SCIN: variants seen among roughly 807,000 people sequenced by gnomAD.
SCIN encodes the protein adseverin.
SCIN carries 91 observed loss-of-function variants against 91.8 expected under a neutral mutation model. That is an observed-to-expected ratio of 0.99 (90% CI 0.84 to 1.18). The LOEUF is 1.18. Among genes scored for constraint, SCIN ranks in the 50% most tolerant of loss-of-function variants. The probability of loss-of-function intolerance (pLI) is 0.00; values close to 1 mark genes in which losing one functional copy is unlikely to be tolerated. For synonymous variants in SCIN, 367 were observed against 312.6 expected, an observed-to-expected ratio of 1.17 and a Z score of -1.84; for missense variants, 1,087 against 863.9, an observed-to-expected ratio of 1.26 and a Z score of -3.24.
At chr7:12,636,555 TTAA>T (rs1783756685) in intron 10 of SCIN, among the ~76,000 whole-genome samples, 1 of 152,102 alleles carries the variant, frequency 6.6e-6, no homozygotes. Flanking sequence ...CAAAGGAGAA[TTAA>T]GGTCGGAGAT....
chr7:12,609,497 T>C (rs1184352561), intron 4 of SCIN, among the ~76,000 whole-genome samples: 1 of 151,634 alleles, frequency 6.6e-6, no homozygotes, highest in African/African-American at 2.4e-5. Context: ...TTGTAAACAT[T>C]AGGAGGAAAG....
At position 12,656,755 on chromosome 7, in the gene SCIN, C is replaced by T. The variant is rs559810986; in HGVS notation, c.*4040C>T. 1 of 152,300 alleles carries T rather than the reference C, an allele frequency of 6.6e-6. No individual in the cohort carries two copies. The highest frequency in any genetic ancestry group is 2.1e-4 in the South Asian group (1 of 4,820). The allele number at this position is 152,300 out of a possible 1,614,324, so 9.4% of individuals were successfully genotyped here. A position where few individuals can be genotyped will look rare whatever the true frequency, so the allele number is the denominator to read the frequency against. On this transcript the variant is annotated 3_prime_UTR_variant, in exon 16 of 16. Coordinates refer to ENST00000297029, the MANE Select transcript of SCIN (RefSeq NM_001112706.3). ...TGACCAACATAGTGAAACCCCGTCT[C>T]TACTAAAAATACAAAAAATTAGCTG... is the stretch of plus-strand genomic sequence containing the variant.
chr7:12,626,871 C>T (rs1251703176), intron 8 of SCIN, 72 bp downstream of exon 8: 1 of 1,330,280 alleles, frequency 7.5e-7, no homozygotes, highest in African/African-American at 1.5e-5. Flanking sequence ...GGGGAGATCA[C>T]TTGAGGACAG....
intron 13 of SCIN, among the ~76,000 whole-genome samples, chr7:12,645,348 A>C (rs902738617): frequency 4.6e-5 from 7 of 152,068 alleles, no homozygotes; most frequent in Admixed American, 2.0e-4. Context: ...CAAAAAACAA[A>C]AAACAGTGAG....
intron 11 of SCIN, among the ~76,000 whole-genome samples, chr7:12,641,502 G>C (rs916194069): frequency 6.6e-6 from 1 of 151,974 alleles, no homozygotes; most frequent in South Asian, 2.1e-4. Context: ...TTCATAGACT[G>C]AACTGCCAGT....
At chr7:12,604,139 C>G (rs1783022154) in intron 3 of SCIN, among the ~76,000 whole-genome samples, 1 of 151,942 alleles carries the variant, frequency 6.6e-6, no homozygotes, top group African/African-American at 2.4e-5. Context: ...AATAGTTTTA[C>G]AAAAATGTTA....
In SCIN at chr7:12,640,080, A is replaced by G. The variant is rs143947434; in HGVS notation, c.1411-267A>G. 1.2e-4 allele frequency among the ~76,000 whole-genome samples: 18 copies of G among 152,274 alleles called. No homozygotes were observed. The East Asian group carries it at 3.5e-3, about 29-fold the overall frequency. ...ACTTACATCTTCATACTTTTCAAAAACAGAAAGTATTGGAGCATGGTGATG... is the reference window on the plus strand; with the variant it reads ...ACTTACATCTTCATACTTTTCAAAAGCAGAAAGTATTGGAGCATGGTGATG... On this transcript the variant is annotated intron_variant, in intron 10 of 15. Transcript: ENST00000297029.
chr7:12,651,588 A>T lies in SCIN; in HGVS notation c.1960-253A>T, dbSNP rs571859928. The stretch of plus-strand genomic sequence containing the variant: ...AAGATCACTTTACAAACTAGAAAGT[A>T]CCATGTAAACATAAAATATCCAAGT... On this transcript the variant is annotated intron_variant, in intron 14 of 15. Coordinates refer to ENST00000297029, the MANE Select transcript of SCIN (RefSeq NM_001112706.3). The surrounding 1 kb of genome is among the most constrained non-coding windows in gnomAD (Gnocchi z 5.9). Among the ~76,000 whole-genome samples the T allele has an allele frequency of 3.3e-4, 50 of 152,196 alleles. No individual in the cohort carries two copies. Among genetic ancestry groups the T allele is most frequent in the African/African-American group, 1.1e-3 (47 of 41,526 alleles).
intron 9 of SCIN, among the ~76,000 whole-genome samples, chr7:12,633,862 G>C (rs970629934): frequency 2.6e-5 from 4 of 152,102 alleles, no homozygotes; most frequent in African/African-American, 9.7e-5. Context: ...TAGCATTATA[G>C]GCTCTTGGGA....
rs1784233223 is a variant in SCIN at position 12,660,090 on chromosome 7, CTAA to C, written c.*7377_*7379del. On this transcript the variant is annotated 3_prime_UTR_variant, in exon 16 of 16. Transcript: ENST00000297029. ...CCGCCTATCCCAAAACCTATAAGAA[CTAA>C]TGATAATCCCACCACCCTTTGCTGA... The C allele has an allele frequency of 6.6e-6, 1 of 152,348 alleles. No homozygotes were observed. The highest frequency in any genetic ancestry group is 6.5e-5 in the Admixed American group (1 of 15,278). The allele number at this position is 152,348 out of a possible 1,614,324, so 9.4% of individuals were successfully genotyped here.
chr7:12,635,610 TCAAAAAAAAA>T (rs1783733538), intron 9 of SCIN, among the ~76,000 whole-genome samples: 1 of 7,948 alleles, frequency 1.3e-4, no homozygotes, highest in African/African-American at 2.9e-4. Flanking sequence ...GGACTCCGTC[TCAAAAAAAAA>T]AAAAAAAAAA....
chr7:12,607,364 G>A (rs1199434883), intron 4 of SCIN, among the ~76,000 whole-genome samples: 3 of 152,134 alleles, frequency 2.0e-5, no homozygotes, highest in Non-Finnish European at 4.4e-5. Flanking sequence ...GGGCCCTGCT[G>A]GGCATGTACA....
At chr7:12,604,487 G>A in intron 3 of SCIN, 27 bp from the exon 4 acceptor site, 1 of 1,548,384 alleles carries the variant, frequency 6.5e-7, no homozygotes, top group Non-Finnish European at 8.7e-7. Flanking sequence ...TATTCTTAGG[G>A]TCAACAGATC....
intron 3 of SCIN, among the ~76,000 whole-genome samples, chr7:12,594,786 C>T (rs908080201): frequency 1.3e-5 from 2 of 152,068 alleles, no homozygotes; most frequent in South Asian, 2.1e-4. Flanking sequence ...GAGGTAGCTG[C>T]GGAGTCAGGC....
rs1199256664 is a variant in SCIN, at chr7:12,654,487, T to G, written c.*1772T>G. Reference sequence around the variant, plus strand: ...AGTCCTGCATGCAACAAAAATGATGTAAGTAGACATTTAACATTTCTAGGA... The same window carrying G: ...AGTCCTGCATGCAACAAAAATGATGGAAGTAGACATTTAACATTTCTAGGA... On this transcript the variant is annotated 3_prime_UTR_variant, in exon 16 of 16. Coordinates refer to ENST00000297029, the MANE Select transcript of SCIN (RefSeq NM_001112706.3). 1.3e-5 allele frequency: 2 copies of G among 152,180 alleles called. No homozygotes were observed. The highest frequency in any genetic ancestry group is 1.3e-4 in the Admixed American group (2 of 15,282). The allele number at this position is 152,180 out of a possible 1,614,324, so 9.4% of individuals were successfully genotyped here.
rs915540817 is a variant in SCIN at position 12,631,107 on chromosome 7, A to G, written c.1319+1885A>G. On this transcript the variant is annotated intron_variant, in intron 9 of 15. Coordinates refer to ENST00000297029, the MANE Select transcript of SCIN (RefSeq NM_001112706.3). The stretch of plus-strand genomic sequence containing the variant: ...GAGGAATTAACAGTTTGCAACCCAT[A>G]TAAATGCCTATGTGGACATATTAAA... 2.0e-5 allele frequency among the ~76,000 whole-genome samples: 3 copies of G among 152,232 alleles called. No homozygotes were observed. In the South Asian group the frequency reaches 6.2e-4, roughly 31 times the overall value.
intron 3 of SCIN, 130 bp from the exon 4 acceptor site, chr7:12,604,384 A>C: frequency 1.3e-6 from 1 of 745,568 alleles, no homozygotes; most frequent in African/African-American, 1.8e-5. Context: ...AAGTGTAACA[A>C]TTATGTATAT....
chr7:12,612,538 T>G (rs557685256), intron 4 of SCIN, among the ~76,000 whole-genome samples: 3 of 152,110 alleles, frequency 2.0e-5, no homozygotes, highest in Admixed American at 6.6e-5. Context: ...ACTCCTGAAA[T>G]CCAAAGTATT....
chr7:12,641,831 C>A (rs1050289271), intron 11 of SCIN, among the ~76,000 whole-genome samples: 1 of 152,032 alleles, frequency 6.6e-6, no homozygotes, highest in African/African-American at 2.4e-5. Flanking sequence ...AGATCCCCAG[C>A]ACCCCCTTCT....
Sources: allele counts gnomAD v4.1 joint callset (sites outside exome capture counted in the v4.1 genomes callset), GRCh38; gene constraint gnomAD v4.1.1; non-coding constraint Gnocchi (gnomAD v3.1); transcripts MANE v1.5; gene names NCBI Gene and HGNC (gene_info 2026-07-23, HGNC 2026-07-21).